SKAP1: variants seen among roughly 807,000 people sequenced by gnomAD.
The protein encoded by SKAP1 is src kinase associated phosphoprotein 1.
Under a neutral mutation model 58.5 loss-of-function variants are expected in SKAP1, and 44 were observed. The ratio of observed to expected loss-of-function variants is 0.75; its 90% CI spans 0.59 to 0.97. SKAP1 has a LOEUF of 0.97. SKAP1 is among the 50% of genes least tolerant of loss of function. SKAP1 has a pLI of 0.00. For missense variants in SKAP1, 390 were observed against 435.2 expected (o/e 0.90, Z 0.92); for synonymous variants, 127 against 149.7 (o/e 0.85, Z 1.11).
At chr17:48,138,236 G>A (rs558064978) in intron 11 of SKAP1, among the ~76,000 whole-genome samples, 2 of 151,070 alleles carry the variant, frequency 1.3e-5, no homozygotes, top group Non-Finnish European at 2.9e-5. Context: ...ACGGAGTCTC[G>A]CACTGTCGCC....
At chr17:48,437,790 T>G in the SKAP1 span, among the ~76,000 whole-genome samples, 3 of 150,474 alleles carry the variant, frequency 2.0e-5, no homozygotes, top group Non-Finnish European at 4.4e-5. Context: ...GGCATTGCTG[T>G]TTTCCTGGTA....
At chr17:48,245,641 T>A (rs2065287843) in intron 4 of SKAP1, among the ~76,000 whole-genome samples, 1 of 152,196 alleles carries the variant, frequency 6.6e-6, no homozygotes, top group African/African-American at 2.4e-5. Context: ...TTTGGGAAAG[T>A]TACTTAACCT....
intron 4 of SKAP1, among the ~76,000 whole-genome samples, chr17:48,227,150 T>C (rs1197515965): frequency 2.0e-5 from 3 of 152,184 alleles, no homozygotes; most frequent in South Asian, 2.1e-4. Context: ...TATCTCAAGT[T>C]TTACTTCAGT....
intron 8 of SKAP1, 25 bp downstream of exon 8, chr17:48,182,366 GTAT>G (rs1567809258): frequency 3.3e-6 from 5 of 1,498,478 alleles, no homozygotes; most frequent in Non-Finnish European, 4.6e-6. Flanking sequence ...ATCAACTCAA[GTAT>G]TATTTCTGTA....
At chr17:48,376,526 C>T (rs1215384661) in intron 2 of SKAP1, among the ~76,000 whole-genome samples, 2 of 152,138 alleles carry the variant, frequency 1.3e-5, no homozygotes, top group African/African-American at 4.8e-5. Context: ...TTGTTATGAA[C>T]ATGGACATAT....
At chr17:48,313,186 G>A (rs539219001) in intron 4 of SKAP1, among the ~76,000 whole-genome samples, 9 of 152,160 alleles carry the variant, frequency 5.9e-5, no homozygotes, top group South Asian at 2.1e-4. Flanking sequence ...AACAGGAACC[G>A]AACCTTGAAC....
chr17:48,227,478 A>G (rs1024649899), intron 4 of SKAP1, among the ~76,000 whole-genome samples: 1 of 152,200 alleles, frequency 6.6e-6, no homozygotes, highest in African/African-American at 2.4e-5. Context: ...GGGACTGAAA[A>G]ATGTTTTAAA....
chr17:48,359,281 T>C (rs1240522062), intron 3 of SKAP1, among the ~76,000 whole-genome samples: 1 of 152,174 alleles, frequency 6.6e-6, no homozygotes, highest in East Asian at 1.9e-4. Flanking sequence ...CTCTCCCATA[T>C]TATTTGTCAG....
At position 48,160,718 on chromosome 17, in the gene SKAP1, C is replaced by G. The variant is rs552097871; in HGVS notation, c.978+1751G>C. On this transcript the variant is annotated intron_variant, in intron 11 of 12. Transcript: ENST00000336915. ...AGCCAGTCTGGCTCTGTTCTTCCCC[C>G]CTCCTGCTGCAGGCACCTCCAGACA... Among the ~76,000 whole-genome samples, 4 of 152,340 alleles carry G rather than the reference C, an allele frequency of 2.6e-5. No individual in the cohort carries two copies. The East Asian group carries it at 5.8e-4, about 22-fold the overall frequency.
chr17:48,147,016 C>T (rs2063841091), intron 11 of SKAP1, among the ~76,000 whole-genome samples: 1 of 152,210 alleles, frequency 6.6e-6, no homozygotes, highest in Non-Finnish European at 1.5e-5. Flanking sequence ...CTGCTTGACA[C>T]TGTCAGTTCC....
At chr17:48,291,328 ACT>A (rs772669902) in intron 4 of SKAP1, among the ~76,000 whole-genome samples, 1 of 151,908 alleles carries the variant, frequency 6.6e-6, no homozygotes, top group Non-Finnish European at 1.5e-5. Flanking sequence ...AAAAAAAATT[ACT>A]CTCTCTGTTC....
intron 3 of SKAP1, among the ~76,000 whole-genome samples, chr17:48,349,594 A>G (rs1433632730): frequency 2.6e-5 from 4 of 152,208 alleles, no homozygotes; most frequent in Non-Finnish European, 5.9e-5. Flanking sequence ...ATTAGCAGGT[A>G]ATTTGCTCCT....
intron 11 of SKAP1, among the ~76,000 whole-genome samples, chr17:48,151,326 A>G (rs1049586395): frequency 6.6e-6 from 1 of 152,242 alleles, no homozygotes; most frequent in Non-Finnish European, 1.5e-5. Flanking sequence ...TCAGAATTAA[A>G]GTGTTACTTA....
At chr17:48,282,109 C>G (rs1275632346) in intron 4 of SKAP1, among the ~76,000 whole-genome samples, 1 of 152,154 alleles carries the variant, frequency 6.6e-6, no homozygotes, top group Non-Finnish European at 1.5e-5. Flanking sequence ...TTGGAAAATT[C>G]TTATGTTTAC....
chr17:48,291,113 G>C (rs2065892391), intron 4 of SKAP1, among the ~76,000 whole-genome samples: 1 of 152,132 alleles, frequency 6.6e-6, no homozygotes, highest in South Asian at 2.1e-4. Context: ...AGTAGACCCT[G>C]TCTTAAACAA....
chr17:48,279,526 T>C (rs1487610743), intron 4 of SKAP1, among the ~76,000 whole-genome samples: 2 of 152,162 alleles, frequency 1.3e-5, no homozygotes, highest in Non-Finnish European at 2.9e-5. Context: ...CATGAAAGAG[T>C]TCATTATCTG....
At chr17:48,392,059 T>C (rs2067355478) in intron 2 of SKAP1, among the ~76,000 whole-genome samples, 2 of 152,162 alleles carry the variant, frequency 1.3e-5, no homozygotes, top group South Asian at 4.1e-4. Flanking sequence ...TTCAAAACTC[T>C]TGCTCCCAAG....
At chr17:48,320,577 C>T (rs142199699) in intron 4 of SKAP1, among the ~76,000 whole-genome samples, 3,267 of 152,012 alleles carry the variant, frequency 0.021, 136 homozygotes, top group Admixed American at 0.11. Context: ...GCAAAGAAAA[C>T]GCAATCAGAG....
intron 2 of SKAP1, among the ~76,000 whole-genome samples, chr17:48,392,903 A>C (rs1237030256): frequency 1.3e-5 from 2 of 150,396 alleles, no homozygotes; most frequent in African/African-American, 2.5e-5. Flanking sequence ...CCCCTCCCCC[A>C]CTCTCAACGT....
Sources: gnomAD v4.1 joint callset for allele counts (sites outside exome capture counted in the v4.1 genomes callset) on GRCh38, gnomAD v4.1.1 for gene constraint, MANE v1.5 for transcripts, NCBI Gene and HGNC (gene_info 2026-07-23, HGNC 2026-07-21) for gene names.